MDN1: variants seen among roughly 807,000 people sequenced by gnomAD.
MDN1 encodes the protein midasin.
In MDN1, 266 loss-of-function variants were observed where a neutral mutation model predicts 669.2. The ratio of observed to expected loss-of-function variants is 0.40; its 90% CI spans 0.36 to 0.44. MDN1 has a LOEUF of 0.44. MDN1 is among the 20% of genes least tolerant of loss of function. The probability of loss-of-function intolerance (pLI) is 1.00; values close to 1 mark genes in which losing one functional copy is unlikely to be tolerated. For synonymous variants in MDN1, 2,385 were observed against 2,457.1 expected (o/e 0.97, Z 0.87); for missense variants, 5,940 against 6,754.0 (o/e 0.88, Z 4.22).
chr6:89,656,103 T>C (rs1809268153), intron 91 of MDN1, 135 bp from the exon 92 acceptor site: 1 of 710,844 alleles, frequency 1.4e-6, no homozygotes, highest in Non-Finnish European at 2.3e-6. Flanking sequence ...TCAATACAGC[T>C]ATTAAAAAGA....
intron 10 of MDN1, 37 bp from the exon 11 acceptor site, chr6:89,780,330 A>G (rs1373221035): frequency 2.2e-6 from 3 of 1,387,194 alleles, no homozygotes; most frequent in Non-Finnish European, 3.0e-6. Flanking sequence ...AACAAAGAAA[A>G]GACCACAGGC....
rs1177732079 is a variant in MDN1 at position 89,688,758 on chromosome 6, G to A, written c.11074C>T (p.Leu3692Phe). Residue 3692 changes from leucine (L) to phenylalanine (F), a missense_variant, in exon 66 of 102, where the codon CTC (leucine) becomes TTC (phenylalanine). By Grantham distance (22) the Leu-to-Phe change is conservative. This residue lies in a region of MDN1 where 2,280 missense variants were observed against 2,576.3 expected (regional missense o/e 0.88). Coordinates refer to ENST00000369393, the MANE Select transcript of MDN1 (RefSeq NM_014611.3). The part of the protein sequence containing the change: ...LLGSQLLACT[L>F]SHNTLFGEAP... Reference sequence around the variant, plus strand: ...TCCCCAAAAAGAGTGTTATGGGAGAGGGTACAGGCCAAAAGTTGGCTGCCC... The same window carrying A: ...TCCCCAAAAAGAGTGTTATGGGAGAAGGTACAGGCCAAAAGTTGGCTGCCC... 1.2e-6 allele frequency: 2 copies of A among 1,614,178 alleles called. No individual in the cohort carries two copies. Among genetic ancestry groups the A allele is most frequent in the Non-Finnish European group, 1.7e-6 (2 of 1,180,026 alleles).
intron 40 of MDN1, 151 bp downstream of exon 40, chr6:89,722,804 C>T: frequency 1.5e-6 from 1 of 650,748 alleles, no homozygotes; most frequent in Non-Finnish European, 2.5e-6. Context: ...CAAGATTATG[C>T]CATTGCACTC....
intron 67 of MDN1, 114 bp downstream of exon 67, chr6:89,687,964 T>C (rs1373871436): frequency 1.0e-6 from 1 of 962,498 alleles, no homozygotes; most frequent in Non-Finnish European, 1.6e-6. Flanking sequence ...ACCAAGGATG[T>C]TTACCTTTTT....
chr6:89,690,908 A>G, intron 63 of MDN1, 74 bp from the exon 64 acceptor site: 1 of 1,507,444 alleles, frequency 6.6e-7, no homozygotes, highest in Non-Finnish European at 9.0e-7. Context: ...TTTGCTATTA[A>G]TTTCTCATGA....
intron 40 of MDN1, among the ~76,000 whole-genome samples, chr6:89,719,739 G>C (rs749123890): frequency 6.6e-6 from 1 of 152,210 alleles, no homozygotes. Flanking sequence ...ACTCACAAGA[G>C]TTATAGAATT....
In MDN1 at chr6:89,680,758, G is replaced by C. The variant is rs913802809; in HGVS notation, c.12103-7C>G. 1 of 1,612,812 alleles carries C rather than the reference G, an allele frequency of 6.2e-7. No homozygotes were observed. On this transcript the variant is annotated splice_region_variant and splice_polypyrimidine_tract_variant and intron_variant, in intron 73 of 101. Coordinates refer to ENST00000369393, the MANE Select transcript of MDN1 (RefSeq NM_014611.3). ...ACCACTCTGGAATTGTGGCCTGTGAGACAAAAGACAGGTTAGCCTCACTGC... is the reference window on the plus strand; with the variant it reads ...ACCACTCTGGAATTGTGGCCTGTGACACAAAAGACAGGTTAGCCTCACTGC...
At chr6:89,805,873 T>A (rs1337618655) in intron 1 of MDN1, among the ~76,000 whole-genome samples, 3 of 152,182 alleles carry the variant, frequency 2.0e-5, no homozygotes. Context: ...TTGGTCATGA[T>A]ACATAGGAGC....
At chr6:89,787,050 G>C (rs745319815) in intron 8 of MDN1, among the ~76,000 whole-genome samples, 2 of 151,064 alleles carry the variant, frequency 1.3e-5, no homozygotes, top group Non-Finnish European at 2.9e-5. Flanking sequence ...AGACCAGCTT[G>C]GGCAACACAG....
At position 89,643,934 on chromosome 6, in the gene MDN1, A is replaced by T; in HGVS notation, c.*71T>A. 1 of 1,320,698 alleles carries T rather than the reference A, an allele frequency of 7.6e-7. No homozygotes were observed. Among genetic ancestry groups the T allele is most frequent in the Non-Finnish European group, 1.0e-6 (1 of 978,896 alleles). 81.8% of individuals were successfully genotyped at this position (1,320,698 alleles called of 1,614,324 possible). A position where few individuals can be genotyped will look rare whatever the true frequency, so the allele number is the denominator to read the frequency against. On this transcript the variant is annotated 3_prime_UTR_variant, in exon 102 of 102. Coordinates refer to ENST00000369393, the MANE Select transcript of MDN1 (RefSeq NM_014611.3). ...ATAAAATTTTTTGTAGTTGTCCAAAAGGGAGCACCTGGGTAAGCAATGTGA... is the reference window on the plus strand; with the variant it reads ...ATAAAATTTTTTGTAGTTGTCCAAATGGGAGCACCTGGGTAAGCAATGTGA...
intron 15 of MDN1, among the ~76,000 whole-genome samples, chr6:89,764,370 C>T (rs894884915): frequency 6.6e-6 from 1 of 152,078 alleles, no homozygotes; most frequent in African/African-American, 2.4e-5. Flanking sequence ...CTTTGGGAGG[C>T]TAAACAGGTG....
chr6:89,680,362 C>T (rs554774580), intron 74 of MDN1, among the ~76,000 whole-genome samples: 2 of 152,356 alleles, frequency 1.3e-5, no homozygotes, highest in South Asian at 2.1e-4. Flanking sequence ...AAAGATGGCA[C>T]AGTGCCAAGT....
chr6:89,794,924 G>A (rs1229634798), intron 2 of MDN1, 123 bp from the exon 3 acceptor site: 8 of 805,034 alleles, frequency 9.9e-6, no homozygotes, highest in Non-Finnish European at 1.6e-5. Context: ...TCAAAAAGGA[G>A]TATCTATATT....
chr6:89,745,460 T>A (rs746047919), intron 28 of MDN1, 32 bp downstream of exon 28: 15 of 1,613,948 alleles, frequency 9.3e-6, no homozygotes, highest in Non-Finnish European at 1.2e-5. Context: ...ACAACTCAAA[T>A]CATATTCCTC....
chr6:89,694,097 GACA>G lies in MDN1; in HGVS notation c.9855_9857del (p.Val3286del). On this transcript the variant is annotated inframe_deletion, in exon 62 of 102. Transcript: ENST00000369393. ...ACCTGACGTGAGGATGAGAGTAGCT[GACA>G]ACGACTTCATCTTCCAGGTCTCTTC... 1.2e-6 allele frequency: 2 copies of G among 1,614,160 alleles called. No individual in the cohort carries two copies. Among genetic ancestry groups the G allele is most frequent in the Non-Finnish European group, 8.5e-7 (1 of 1,179,994 alleles).
intron 65 of MDN1, among the ~76,000 whole-genome samples, chr6:89,689,288 A>AG (rs1378080854): frequency 6.6e-6 from 1 of 152,252 alleles, no homozygotes; most frequent in Non-Finnish European, 1.5e-5. Context: ...GAATGTGCAG[A>AG]GGAAGTCAGA....
chr6:89,766,696 G>C (rs1404943979), intron 15 of MDN1, among the ~76,000 whole-genome samples: 1 of 152,146 alleles, frequency 6.6e-6, no homozygotes, highest in African/African-American at 2.4e-5. Context: ...TATAACATGT[G>C]AAACAACAAA....
At chr6:89,739,514 G>A (rs988138112) in intron 32 of MDN1, among the ~76,000 whole-genome samples, 2 of 152,086 alleles carry the variant, frequency 1.3e-5, no homozygotes, top group East Asian at 3.8e-4. Flanking sequence ...ACTCTTAATT[G>A]TCTTATTTAA....
At position 89,674,136 on chromosome 6, in the gene MDN1, TC is replaced by T. The variant is rs1811020737; in HGVS notation, c.13214del (p.Arg4405AsnfsTer22). ...KTVKADVDKIRQQSCETLFHS... is the reference protein window; with the variant it reads ...KTVKADVDKIXQQSCETLFHS... ...GAAAGAGAGTCTCACAAGACTGCTG[TC>T]TAATTTTGTCGACGTCAGCTTTCAC... is the stretch of plus-strand genomic sequence containing the variant. On this transcript the variant is annotated frameshift_variant, in exon 79 of 102. Coordinates refer to ENST00000369393, the MANE Select transcript of MDN1 (RefSeq NM_014611.3). LOFTEE classifies it high-confidence loss of function. The T allele has an allele frequency of 6.2e-7, 1 of 1,614,022 alleles. No individual in the cohort carries two copies. The highest frequency in any genetic ancestry group is 8.5e-7 in the Non-Finnish European group (1 of 1,180,032).
Sources: allele counts gnomAD v4.1 joint callset (sites outside exome capture counted in the v4.1 genomes callset), GRCh38; gene constraint gnomAD v4.1.1; regional missense constraint gnomAD v4.1.1; transcripts MANE v1.5; gene names NCBI Gene and HGNC (gene_info 2026-07-23, HGNC 2026-07-21).